SNX13: variants seen among roughly 807,000 people sequenced by gnomAD.
The protein encoded by SNX13 is sorting nexin-13.
A neutral mutation model predicts 133.6 loss-of-function variants in SNX13; 45 were observed. The observed-to-expected ratio is 0.34, with a 90% CI of 0.27 to 0.43. The LOEUF is 0.43. Ranked by LOEUF, SNX13 falls within the 20% of genes least tolerant of loss-of-function variation. The probability of loss-of-function intolerance (pLI) is 1.00; values close to 1 mark genes in which losing one functional copy is unlikely to be tolerated. For missense variants in SNX13, 1,032 were observed against 1,145.1 expected (o/e 0.90, Z 1.43); for synonymous variants, 414 against 373.9 (o/e 1.11, Z -1.24).
intron 13 of SNX13, among the ~76,000 whole-genome samples, chr7:17,837,561 T>C (rs1352688447): frequency 6.6e-6 from 1 of 152,016 alleles, no homozygotes; most frequent in East Asian, 1.9e-4. Context: ...AAAAACCATA[T>C]ATATGGCTTG....
At chr7:17,884,053 T>A (rs1458788727) in intron 5 of SNX13, among the ~76,000 whole-genome samples, 1 of 152,210 alleles carries the variant, frequency 6.6e-6, no homozygotes, top group Non-Finnish European at 1.5e-5. Context: ...GTTTGGCTCT[T>A]TAGAAAAAAG....
At chr7:17,823,804 T>C (rs773317505) in intron 17 of SNX13, among the ~76,000 whole-genome samples, 1 of 151,988 alleles carries the variant, frequency 6.6e-6, no homozygotes, top group Non-Finnish European at 1.5e-5. Context: ...GTGTCCAAGA[T>C]AGGTTTGGGA....
At chr7:17,881,963 T>A (rs1795397624) in intron 5 of SNX13, 1 of 152,214 alleles carries the variant, frequency 6.6e-6, no homozygotes, top group Non-Finnish European at 1.5e-5. Flanking sequence ...CCTTTTATCA[T>A]CCACTTTAAG....
chr7:17,882,815 T>C, intron 5 of SNX13: 1 of 1,245,402 alleles, frequency 8.0e-7, no homozygotes, highest in Non-Finnish European at 1.0e-6. Flanking sequence ...AGCCAGAATT[T>C]AAATTACATA....
chr7:17,825,956 G>GA, intron 17 of SNX13, 66 bp downstream of exon 17: 1 of 1,187,854 alleles, frequency 8.4e-7, no homozygotes, highest in Non-Finnish European at 1.2e-6. Flanking sequence ...ATTAAGTGTG[G>GA]AAAATTATTT....
At chr7:17,797,740 C>T (rs572104080) in intron 24 of SNX13, among the ~76,000 whole-genome samples, 38 of 151,838 alleles carry the variant, frequency 2.5e-4, no homozygotes, top group Non-Finnish European at 4.9e-4. Flanking sequence ...CTGATAATCA[C>T]CACTCCAGAG....
At chr7:17,808,209 G>GA (rs1202289621) in intron 20 of SNX13, among the ~76,000 whole-genome samples, 4 of 152,110 alleles carry the variant, frequency 2.6e-5, no homozygotes, top group Admixed American at 6.5e-5. Context: ...TAAGAACCTT[G>GA]AAAAACAGCT....
At chr7:17,834,919 T>C in intron 13 of SNX13, 54 bp from the exon 14 acceptor site, 2 of 1,015,522 alleles carry the variant, frequency 2.0e-6, no homozygotes, top group Non-Finnish European at 3.0e-6. Context: ...TACAAGATGA[T>C]ACTTGATAGT....
intron 9 of SNX13, among the ~76,000 whole-genome samples, chr7:17,860,949 T>C (rs572654156): frequency 6.6e-6 from 1 of 152,328 alleles, no homozygotes; most frequent in Non-Finnish European, 1.5e-5. Flanking sequence ...ATCGGTAAAT[T>C]GCTCTGGGCA....
At chr7:17,851,736 C>T (rs932791325) in intron 9 of SNX13, among the ~76,000 whole-genome samples, 3 of 150,154 alleles carry the variant, frequency 2.0e-5, no homozygotes, top group African/African-American at 7.4e-5. Context: ...GGCGGGGAGT[C>T]GGGGAGGCAA....
At chr7:17,856,104 G>A (rs1791845346) in intron 9 of SNX13, among the ~76,000 whole-genome samples, 1 of 152,198 alleles carries the variant, frequency 6.6e-6, no homozygotes, top group South Asian at 2.1e-4. Context: ...AATGGCAAGA[G>A]AAGTAGAATT....
intron 18 of SNX13, among the ~76,000 whole-genome samples, chr7:17,819,079 A>G (rs994093387): frequency 2.3e-4 from 35 of 152,214 alleles, no homozygotes; most frequent in African/African-American, 8.4e-4. Context: ...AGCTTAAGAA[A>G]TATTTGTTAA....
chr7:17,820,722 A>G (rs1484123816), intron 18 of SNX13, among the ~76,000 whole-genome samples: 1 of 152,102 alleles, frequency 6.6e-6, no homozygotes, highest in African/African-American at 2.4e-5. Context: ...CGTCATTTCA[A>G]AGCTTTAGCT....
chr7:17,803,684 A>G, intron 20 of SNX13, 104 bp from the exon 21 acceptor site: 2 of 989,038 alleles, frequency 2.0e-6, no homozygotes, highest in Non-Finnish European at 2.9e-6. Context: ...AAGATGCAGT[A>G]ATTTTCTGGT....
intron 1 of SNX13, among the ~76,000 whole-genome samples, chr7:17,905,406 A>G (rs17138405): frequency 0.021 from 3,194 of 152,304 alleles, 125 homozygotes; most frequent in African/African-American, 0.071. Flanking sequence ...TAATGATAAC[A>G]TAAGTGTAGT....
intron 13 of SNX13, among the ~76,000 whole-genome samples, chr7:17,837,825 T>C (rs2691605): frequency 0.62 from 93,545 of 151,536 alleles, 30,454 homozygotes; most frequent in African/African-American, 0.82. Context: ...TGTCCTTTTC[T>C]GGTGACACAT....
At chr7:17,796,655 C>CA in intron 25 of SNX13, 172 bp downstream of exon 25, 1 of 591,272 alleles carries the variant, frequency 1.7e-6, no homozygotes, top group Admixed American at 2.8e-5. Context: ...ACAGTACTGT[C>CA]ATGAGGACTG....
Position 17,808,321 on chromosome 7 carries a change from T to C in SNX13, c.2065-4741A>G, listed in dbSNP as rs953987950. ...TTTGTGAAGCATACACAACTCTCAA[T>C]AGCTGAATCAATTAAGTGGAAGAAA... On this transcript the variant is annotated intron_variant, in intron 20 of 25. Coordinates refer to ENST00000428135, the MANE Select transcript of SNX13 (RefSeq NM_015132.5). Among the ~76,000 whole-genome samples, 4 of 152,248 alleles carry C rather than the reference T, an allele frequency of 2.6e-5. No homozygotes were observed. In the South Asian group the frequency reaches 6.2e-4, roughly 24 times the overall value.
At chr7:17,880,356 C>A (rs1054715357) in intron 5 of SNX13, 4 of 152,192 alleles carry the variant, frequency 2.6e-5, no homozygotes, top group Non-Finnish European at 5.9e-5. Context: ...ATAGAAACTA[C>A]CTTGTCATAT....
Sources: allele counts gnomAD v4.1 joint callset (sites outside exome capture counted in the v4.1 genomes callset), GRCh38; gene constraint gnomAD v4.1.1; transcripts MANE v1.5; gene names NCBI Gene and HGNC (gene_info 2026-07-23, HGNC 2026-07-21).